SMAD1: variants seen among roughly 807,000 people sequenced by gnomAD.
SMAD1 encodes MAD, mothers against decapentaplegic homolog 1.
In SMAD1, 6 loss-of-function variants were observed where a neutral mutation model predicts 41.6. That is an observed-to-expected ratio of 0.14 (90% CI 0.08 to 0.28). SMAD1 has a LOEUF of 0.28. Among genes scored for constraint, SMAD1 ranks in the 10% least tolerant of loss-of-function variants. SMAD1 has a pLI of 1.00. For synonymous variants in SMAD1, 206 were observed against 203.2 expected (o/e 1.01, Z -0.12); for missense variants, 379 against 582.6 (o/e 0.65, Z 3.60).
At position 145,482,232 on chromosome 4, in the gene SMAD1, C is replaced by G. The variant is rs1010332180; in HGVS notation, c.-177+194C>G. Among the ~76,000 whole-genome samples the G allele has an allele frequency of 2.0e-5, 3 of 150,498 alleles. No homozygotes were observed. Among genetic ancestry groups the G allele is most frequent in the Non-Finnish European group, 3.0e-5 (2 of 66,888 alleles). On this transcript the variant is annotated intron_variant, in intron 1 of 6. Coordinates refer to ENST00000302085, the MANE Select transcript of SMAD1 (RefSeq NM_005900.3). The surrounding 1 kb of genome is among the most constrained non-coding windows in gnomAD (Gnocchi z 4.2). ...CGCGGGGCGGGCCGCGACCCCCCCCCCCCATGATGGCGCCTCCCGTCTGCT... is the reference window on the plus strand; with the variant it reads ...CGCGGGGCGGGCCGCGACCCCCCCCGCCCATGATGGCGCCTCCCGTCTGCT...
At chr4:145,524,694 T>G (rs905652071) in intron 2 of SMAD1, among the ~76,000 whole-genome samples, 2 of 152,110 alleles carry the variant, frequency 1.3e-5, no homozygotes, top group African/African-American at 4.8e-5. Flanking sequence ...TTCAGATCTT[T>G]CAGATTCATT....
At chr4:145,518,653 T>C (rs1730559620) in intron 2 of SMAD1, among the ~76,000 whole-genome samples, 1 of 126,340 alleles carries the variant, frequency 7.9e-6, no homozygotes, top group African/African-American at 2.5e-5. Flanking sequence ...CAACACTGAA[T>C]TATTTTGAAC....
chr4:145,522,656 G>A (rs2126450476), intron 2 of SMAD1, among the ~76,000 whole-genome samples: 1 of 147,364 alleles, frequency 6.8e-6, no homozygotes, highest in South Asian at 2.1e-4. Context: ...TTGTGAATGT[G>A]TTTTGTTTTG....
At chr4:145,544,353 G>A (rs1732128141) in intron 4 of SMAD1, 1 of 152,356 alleles carries the variant, frequency 6.6e-6, no homozygotes, top group Non-Finnish European at 1.5e-5. Context: ...GGCCGAGGCA[G>A]GTGGATCACC....
intron 5 of SMAD1, among the ~76,000 whole-genome samples, chr4:145,547,688 G>C (rs990961238): frequency 3.3e-5 from 5 of 152,190 alleles, no homozygotes; most frequent in Non-Finnish European, 5.9e-5. Flanking sequence ...ATTGTTGGGA[G>C]CTTGGGTTTC....
chr4:145,487,657 G>GAAGA (rs1477043107), intron 1 of SMAD1, among the ~76,000 whole-genome samples: 1 of 152,146 alleles, frequency 6.6e-6, no homozygotes, highest in Non-Finnish European at 1.5e-5. Context: ...AAAGGAAAGA[G>GAAGA]AAGAAAAAGG....
intron 6 of SMAD1, among the ~76,000 whole-genome samples, 158 bp downstream of exon 6, chr4:145,554,198 C>T (rs1732714448): frequency 6.8e-6 from 1 of 146,254 alleles, no homozygotes; most frequent in Non-Finnish European, 1.5e-5. Context: ...ACAAAAATTT[C>T]AATTATTAGG....
At chr4:145,487,403 G>A (rs1241459962) in intron 1 of SMAD1, among the ~76,000 whole-genome samples, 1 of 152,158 alleles carries the variant, frequency 6.6e-6, no homozygotes, top group East Asian at 1.9e-4. Flanking sequence ...TGAGGTTGAT[G>A]AAATGTTCTG....
At chr4:145,496,238 A>G (rs1020800365) in intron 1 of SMAD1, among the ~76,000 whole-genome samples, 1 of 152,034 alleles carries the variant, frequency 6.6e-6, no homozygotes, top group Non-Finnish European at 1.5e-5. Flanking sequence ...CTATAAGCAA[A>G]TCCTTGCCTG....
chr4:145,540,711 A>C (rs1731876643), intron 3 of SMAD1, among the ~76,000 whole-genome samples: 1 of 151,720 alleles, frequency 6.6e-6, no homozygotes. Flanking sequence ...TTTTTAAGTT[A>C]CAGGTTAATG....
intron 2 of SMAD1, among the ~76,000 whole-genome samples, chr4:145,522,944 T>G (rs1015130448): frequency 1.3e-5 from 2 of 152,194 alleles, no homozygotes; most frequent in African/African-American, 4.8e-5. Flanking sequence ...CCCAAAGTGC[T>G]GGGATTACAG....
At chr4:145,522,489 T>C (rs1054929664) in intron 2 of SMAD1, among the ~76,000 whole-genome samples, 14 of 151,260 alleles carry the variant, frequency 9.3e-5, no homozygotes, top group African/African-American at 3.2e-4. Context: ...TAATCCCAGC[T>C]CTCAGAGGCT....
chr4:145,512,941 C>T (rs937109067), intron 1 of SMAD1, among the ~76,000 whole-genome samples: 19 of 152,152 alleles, frequency 1.2e-4, no homozygotes, highest in Admixed American at 8.5e-4. Context: ...AAGACTGATC[C>T]GTTTCATTTT....
intron 2 of SMAD1, among the ~76,000 whole-genome samples, chr4:145,530,753 G>T (rs544506850): frequency 1.2e-4 from 18 of 152,202 alleles, no homozygotes; most frequent in African/African-American, 4.1e-4. Flanking sequence ...AAAACAAACA[G>T]AAGGATGGAA....
rs1359247095 is a variant in SMAD1, at chr4:145,559,086, G to A, written c.*1152G>A. On this transcript the variant is annotated 3_prime_UTR_variant, in exon 7 of 7. Coordinates refer to ENST00000302085, the MANE Select transcript of SMAD1 (RefSeq NM_005900.3). The stretch of plus-strand genomic sequence containing the variant: ...ATCTTTTGTATTCACTTATGCTCTC[G>A]TACATTGAGTACTTTTATTCCAAAA... Among the ~76,000 whole-genome samples, 5 of 151,926 alleles carry A rather than the reference G, an allele frequency of 3.3e-5. No individual in the cohort carries two copies. Among genetic ancestry groups the A allele is most frequent in the South Asian group, 2.1e-4 (1 of 4,800 alleles).
chr4:145,499,922 TA>T (rs1729330315), intron 1 of SMAD1, among the ~76,000 whole-genome samples: 1 of 151,960 alleles, frequency 6.6e-6, no homozygotes, highest in East Asian at 1.9e-4. Flanking sequence ...AAAGATTCCA[TA>T]AAAAAAGAAG....
At chr4:145,509,734 C>T (rs1729976958) in intron 1 of SMAD1, among the ~76,000 whole-genome samples, 1 of 152,118 alleles carries the variant, frequency 6.6e-6, no homozygotes, top group Admixed American at 6.5e-5. Context: ...TACACTCTGA[C>T]CAAGTGTGAC....
At chr4:145,505,178 G>C (rs754786166) in intron 1 of SMAD1, among the ~76,000 whole-genome samples, 3 of 152,276 alleles carry the variant, frequency 2.0e-5, no homozygotes, top group Non-Finnish European at 4.4e-5. Flanking sequence ...TTATAGTAAT[G>C]AGAATTACAT....
chr4:145,535,208 C>G (rs558767128), intron 2 of SMAD1, among the ~76,000 whole-genome samples: 3 of 152,212 alleles, frequency 2.0e-5, no homozygotes, highest in Admixed American at 6.5e-5. Flanking sequence ...AGACTCTATT[C>G]TGGAAGGTAT....
Sources: allele counts gnomAD v4.1 joint callset (sites outside exome capture counted in the v4.1 genomes callset), GRCh38; gene constraint gnomAD v4.1.1; non-coding constraint Gnocchi (gnomAD v3.1); transcripts MANE v1.5; gene names NCBI Gene and HGNC (gene_info 2026-07-23, HGNC 2026-07-21).